The following NFILZ variants were observed in gnomAD, a reference collection of about 807,000 sequenced individuals.
The protein encoded by NFILZ is NFIL3 like protein.
intron 3 of NFILZ, among the ~76,000 whole-genome samples, chr19:8,636,514 G>A (rs1429883170): frequency 6.3e-5 from 9 of 142,304 alleles, no homozygotes; most frequent in East Asian, 4.4e-4. Context: ...GCGCCATCTC[G>A]GCTCACCGCA....
intron 3 of NFILZ, among the ~76,000 whole-genome samples, chr19:8,637,084 G>A (rs1360772720): frequency 6.6e-6 from 1 of 152,100 alleles, no homozygotes; most frequent in Non-Finnish European, 1.5e-5. Context: ...AAAAAAATGG[G>A]CAAGGCTGAA....
chr19:8,672,023 T>C (rs1280577746), intron 3 of NFILZ, among the ~76,000 whole-genome samples: 3 of 152,238 alleles, frequency 2.0e-5, no homozygotes, highest in African/African-American at 7.2e-5. Flanking sequence ...TTCTGCCCTT[T>C]TGAGTATTCC....
At chr19:8,657,337 C>T (rs540466002) in intron 3 of NFILZ, among the ~76,000 whole-genome samples, 15 of 151,682 alleles carry the variant, frequency 9.9e-5, no homozygotes, top group Admixed American at 2.6e-4. Flanking sequence ...CTCCTGACCT[C>T]GTGATCCACC....
intron 3 of NFILZ, among the ~76,000 whole-genome samples, chr19:8,662,511 C>T (rs1478314145): frequency 6.6e-6 from 1 of 151,926 alleles, no homozygotes. Context: ...ACGGAGGAGG[C>T]CCATGCGGCT....
In NFILZ at chr19:8,680,614, G is replaced by A. The variant is rs1275711106; in HGVS notation, c.*2979G>A. ...ATGGTACTGATAACCCAGGGAAGGA[G>A]ATAGATTAAAAAATAAGAAAAACAT... is the stretch of plus-strand genomic sequence containing the variant. On this transcript the variant is annotated 3_prime_UTR_variant, in exon 6 of 6. Transcript: ENST00000691075. 6.6e-6 allele frequency among the ~76,000 whole-genome samples: 1 copy of A among 152,118 alleles called. No individual in the cohort carries two copies. The highest frequency in any genetic ancestry group is 6.5e-5 in the Admixed American group (1 of 15,274).
At chr19:8,666,020 T>A (rs2146167015) in intron 3 of NFILZ, among the ~76,000 whole-genome samples, 1 of 152,132 alleles carries the variant, frequency 6.6e-6, no homozygotes, top group African/African-American at 2.4e-5. Flanking sequence ...TCCCTTCTCC[T>A]TTGATTCATC....
chr19:8,648,249 C>T (rs2042951060), intron 3 of NFILZ, among the ~76,000 whole-genome samples: 1 of 149,814 alleles, frequency 6.7e-6, no homozygotes, highest in Non-Finnish European at 1.5e-5. Flanking sequence ...ACAGGTGCAG[C>T]AAACCCCCAT....
intron 3 of NFILZ, among the ~76,000 whole-genome samples, chr19:8,654,544 G>T (rs184261303): frequency 6.6e-6 from 1 of 152,238 alleles, no homozygotes; most frequent in East Asian, 1.9e-4. Flanking sequence ...GAGCCCAGGA[G>T]GTCGAGGCTG....
At position 8,679,933 on chromosome 19, in the gene NFILZ, C is replaced by A. The variant is rs1176688280; in HGVS notation, c.*2298C>A. Among the ~76,000 whole-genome samples, 1 of 152,120 alleles carries A rather than the reference C, an allele frequency of 6.6e-6. No homozygotes were observed. The highest frequency in any genetic ancestry group is 1.5e-5 in the Non-Finnish European group (1 of 68,026). On this transcript the variant is annotated 3_prime_UTR_variant, in exon 6 of 6. Transcript: ENST00000691075. ...ATCCTGGAGGGCAAGGTGGCTCATG[C>A]CTGTAATCCTAGCACTTTGGGAGGC...
chr19:8,633,987 TG>T (rs2042883498), intron 2 of NFILZ, among the ~76,000 whole-genome samples: 1 of 150,656 alleles, frequency 6.6e-6, no homozygotes, highest in Non-Finnish European at 1.5e-5. Context: ...TTTGCTTTCT[TG>T]CTTGCTTTCT....
chr19:8,652,412 T>A (rs2042968536), intron 3 of NFILZ, among the ~76,000 whole-genome samples: 1 of 152,234 alleles, frequency 6.6e-6, no homozygotes, highest in Non-Finnish European at 1.5e-5. Context: ...TGGGAGATTT[T>A]ATTTGTATTG....
At chr19:8,649,816 G>GA (rs200373107) in intron 3 of NFILZ, among the ~76,000 whole-genome samples, 24 of 149,038 alleles carry the variant, frequency 1.6e-4, no homozygotes, top group East Asian at 6.0e-4. Context: ...AAAATACCCT[G>GA]AAAAAAAAAA....
intron 3 of NFILZ, among the ~76,000 whole-genome samples, chr19:8,651,563 G>A (rs902864369): frequency 2.6e-5 from 4 of 151,974 alleles, no homozygotes; most frequent in African/African-American, 7.3e-5. Flanking sequence ...ACAGGGTCTC[G>A]CTCTGTTGCT....
intron 3 of NFILZ, chr19:8,638,533 C>G (rs1223429537): frequency 6.6e-6 from 1 of 152,218 alleles, no homozygotes; most frequent in African/African-American, 2.4e-5. Context: ...GGAACGAACA[C>G]CTCCTGCGTG....
At chr19:8,666,971 G>A (rs1555749886) in intron 3 of NFILZ, among the ~76,000 whole-genome samples, 1 of 150,090 alleles carries the variant, frequency 6.7e-6, no homozygotes, top group African/African-American at 2.5e-5. Context: ...GTTGGTCTCG[G>A]ACTCCTAAGT....
chr19:8,674,580 G>T lies in NFILZ; in HGVS notation c.-134G>T, dbSNP rs1339195598. Among the ~76,000 whole-genome samples, 2 of 147,996 alleles carry T rather than the reference G, an allele frequency of 1.4e-5. No individual in the cohort carries two copies. The highest frequency in any genetic ancestry group is 3.0e-5 in the Non-Finnish European group (2 of 67,432). On this transcript the variant is annotated 5_prime_UTR_variant, in exon 4 of 6. Coordinates refer to ENST00000691075, the MANE Select transcript of NFILZ (RefSeq NM_001378600.1). ...TCTCAGAGCCTTCAATGTACTTTGT[G>T]ATTCTCCTATAAGGAATAAGGTATG...
At chr19:8,674,389 A>T (rs894583616) in intron 3 of NFILZ, among the ~76,000 whole-genome samples, 162 bp from the exon 4 acceptor site, 1 of 152,188 alleles carries the variant, frequency 6.6e-6, no homozygotes, top group Non-Finnish European at 1.5e-5. Flanking sequence ...GCTGGGAGGC[A>T]GTTTGATTTT....
At chr19:8,654,229 T>C (rs1424173190) in intron 3 of NFILZ, among the ~76,000 whole-genome samples, 1 of 148,582 alleles carries the variant, frequency 6.7e-6, no homozygotes, top group Non-Finnish European at 1.5e-5. Flanking sequence ...TGAAATTCTG[T>C]CTCAAAACAA....
At position 8,658,664 on chromosome 19, in the gene NFILZ, TATTCATTCATTCATTC is replaced by T. The variant is rs112446704; in HGVS notation, c.-163-15869_-163-15854del. 3.9e-3 allele frequency among the ~76,000 whole-genome samples: 594 copies of T among 151,096 alleles called. 4 individuals carry two copies. Among genetic ancestry groups the T allele is most frequent in the African/African-American group, 0.013 (553 of 41,112 alleles). On this transcript the variant is annotated intron_variant, in intron 3 of 5. Coordinates refer to ENST00000691075, the MANE Select transcript of NFILZ (RefSeq NM_001378600.1). The stretch of plus-strand genomic sequence containing the variant: ...AGAGTCTGGGGTGATGAGAGGATTC[TATTCATTCATTCATTC>T]ATTCATTCATTCATTCAACAAGTAT...
Sources: allele counts gnomAD v4.1 joint callset (sites outside exome capture counted in the v4.1 genomes callset), GRCh38; gene constraint gnomAD v4.1.1; transcripts MANE v1.5; gene names NCBI Gene and HGNC (gene_info 2026-07-23, HGNC 2026-07-21).